CATSPERT: variants seen among roughly 807,000 people sequenced by gnomAD.
CATSPERT encodes the protein cation channel sperm-associated targeting subunit tau.
At chr2:201,616,127 T>C in the CATSPERT span, among the ~76,000 whole-genome samples, 10,728 of 152,000 alleles carry the variant, frequency 0.071, 555 homozygotes, top group African/African-American at 0.14. Context: ...CTACCAGAGG[T>C]ACAAAGAGGA....
chr2:201,609,548 C>T, the CATSPERT span, among the ~76,000 whole-genome samples: 1 of 152,162 alleles, frequency 6.6e-6, no homozygotes, highest in African/African-American at 2.4e-5. Context: ...ACTTTGGAAA[C>T]TGTACAAACA....
chr2:201,581,472 T>C, the CATSPERT span, among the ~76,000 whole-genome samples: 1 of 42,078 alleles, frequency 2.4e-5, no homozygotes, highest in Non-Finnish European at 4.4e-5. Context: ...ACACACACAT[T>C]CCGGAATATA....
chr2:201,611,697 C>A, the CATSPERT span, among the ~76,000 whole-genome samples: 6 of 149,776 alleles, frequency 4.0e-5, no homozygotes, highest in African/African-American at 4.9e-5. Flanking sequence ...TATCAACAGT[C>A]AAAAAAAAAA....
chr2:201,501,368 C>T, the CATSPERT span, among the ~76,000 whole-genome samples: 1 of 125,500 alleles, frequency 8.0e-6, no homozygotes, highest in Non-Finnish European at 1.6e-5. Flanking sequence ...GCACTCTAGC[C>T]TGGGCAACAA....
At chr2:201,599,975 AAAC>A in the CATSPERT span, among the ~76,000 whole-genome samples, 18 of 152,294 alleles carry the variant, frequency 1.2e-4, no homozygotes, top group Non-Finnish European at 1.8e-4. Context: ...ACAAACAAAC[AAAC>A]AACAACAACA....
At chr2:201,489,660 T>G in the CATSPERT span, among the ~76,000 whole-genome samples, 1 of 152,226 alleles carries the variant, frequency 6.6e-6, no homozygotes, top group Non-Finnish European at 1.5e-5. Context: ...GGTAGAATTA[T>G]GCACATCAAA....
chr2:201,523,919 T>C, the CATSPERT span, among the ~76,000 whole-genome samples: 1 of 152,260 alleles, frequency 6.6e-6, no homozygotes, highest in Non-Finnish European at 1.5e-5. Flanking sequence ...ACCAGTTCTT[T>C]GAATTAATTT....
chr2:201,494,252 T>C, the CATSPERT span: 1 of 1,536,996 alleles, frequency 6.5e-7, no homozygotes, highest in East Asian at 2.4e-5. Context: ...CTGTTCATAC[T>C]AACTTCTGGT....
At chr2:201,586,300 T>G in the CATSPERT span, among the ~76,000 whole-genome samples, 1 of 151,974 alleles carries the variant, frequency 6.6e-6, no homozygotes, top group Non-Finnish European at 1.5e-5. Context: ...TCAGTGCCTG[T>G]GTTGTCCAAG....
chr2:201,596,473 C>T, the CATSPERT span, among the ~76,000 whole-genome samples: 1 of 152,100 alleles, frequency 6.6e-6, no homozygotes, highest in Non-Finnish European at 1.5e-5. Context: ...TAACTGAGTA[C>T]TAGGCTTAAT....
At chr2:201,516,201 G>A in the CATSPERT span, among the ~76,000 whole-genome samples, 3 of 152,182 alleles carry the variant, frequency 2.0e-5, no homozygotes, top group Non-Finnish European at 4.4e-5. Flanking sequence ...AAAAGGTACA[G>A]TAAAATATGA....
chr2:201,544,708 A>G, the CATSPERT span, among the ~76,000 whole-genome samples: 1 of 151,920 alleles, frequency 6.6e-6, no homozygotes, highest in Non-Finnish European at 1.5e-5. Flanking sequence ...GCATTGGCCA[A>G]GCGTGGTGGC....
chr2:201,559,700 A>G, the CATSPERT span, among the ~76,000 whole-genome samples: 1 of 152,210 alleles, frequency 6.6e-6, no homozygotes, highest in Non-Finnish European at 1.5e-5. Flanking sequence ...CTATGTGAAG[A>G]CTAAACTACT....
the CATSPERT span, among the ~76,000 whole-genome samples, chr2:201,592,222 G>C: frequency 1.3e-5 from 2 of 151,760 alleles, no homozygotes; most frequent in African/African-American, 2.4e-5. Context: ...GGCCTTTTCT[G>C]CATCTATTGA....
the CATSPERT span, chr2:201,493,363 G>GGTAT: frequency 6.5e-7 from 1 of 1,536,668 alleles, no homozygotes; most frequent in South Asian, 1.2e-5. Context: ...GGGAATGATG[G>GGTAT]GTATACTCTG....
the CATSPERT span, among the ~76,000 whole-genome samples, chr2:201,503,442 G>C: frequency 6.6e-6 from 1 of 152,128 alleles, no homozygotes; most frequent in South Asian, 2.1e-4. Flanking sequence ...TGTTGCCCAA[G>C]TGGGAGTGCA....
chr2:201,566,718 C>G, the CATSPERT span, among the ~76,000 whole-genome samples: 1 of 151,956 alleles, frequency 6.6e-6, no homozygotes, highest in East Asian at 1.9e-4. Context: ...GGGTATATAC[C>G]CAGTATTGGG....
the CATSPERT span, among the ~76,000 whole-genome samples, chr2:201,519,066 T>C: frequency 1.2e-4 from 19 of 152,320 alleles, no homozygotes; most frequent in African/African-American, 4.6e-4. Context: ...GTCAGTTAAA[T>C]TGGCCTAAAG....
the CATSPERT span, among the ~76,000 whole-genome samples, chr2:201,597,225 A>T: frequency 6.6e-6 from 1 of 152,154 alleles, no homozygotes; most frequent in Non-Finnish European, 1.5e-5. Flanking sequence ...GGACTATTTA[A>T]TGAGAACTCT....
Sources: gnomAD v4.1 joint callset for allele counts (sites outside exome capture counted in the v4.1 genomes callset) on GRCh38, gnomAD v4.1.1 for gene constraint, MANE v1.5 for transcripts, NCBI Gene and HGNC (gene_info 2026-07-23, HGNC 2026-07-21) for gene names.